Variants in LRRC7 observed in about 807,000 individuals in gnomAD.
LRRC7 encodes the protein leucine rich repeat containing 7, also known as leucine-rich repeat-containing protein 7.
In LRRC7, 23 loss-of-function variants were observed where a neutral mutation model predicts 175.7. The ratio of observed to expected loss-of-function variants is 0.13; its 90% CI spans 0.09 to 0.19. LRRC7 has a LOEUF of 0.19. LRRC7 is among the 10% of genes least tolerant of loss of function. LRRC7 has a pLI of 1.00. For synonymous variants in LRRC7, 685 were observed against 680.9 expected (o/e 1.01, Z -0.09); for missense variants, 1,354 against 1,904.7 (o/e 0.71, Z 5.38).
intron 4 of LRRC7, among the ~76,000 whole-genome samples, chr1:69,795,058 A>C (rs1031426168): frequency 6.6e-6 from 1 of 152,226 alleles, no homozygotes; most frequent in African/African-American, 2.4e-5. Flanking sequence ...AGATTTCATC[A>C]CATCAGCCAT....
At chr1:69,602,249 A>AT (rs750534042) in intron 1 of LRRC7, among the ~76,000 whole-genome samples, 8 of 151,828 alleles carry the variant, frequency 5.3e-5, no homozygotes, top group Non-Finnish European at 8.8e-5. Flanking sequence ...CATACATTTC[A>AT]TTTTTTTTAC....
At position 70,134,758 on chromosome 1, in the gene LRRC7, T is replaced by A. The variant is rs1331054196; in HGVS notation, c.*12871T>A. Among the ~76,000 whole-genome samples, 3 of 152,216 alleles carry A rather than the reference T, an allele frequency of 2.0e-5. No homozygotes were observed. Among genetic ancestry groups the A allele is most frequent in the Non-Finnish European group, 4.4e-5 (3 of 68,030 alleles). On this transcript the variant is annotated 3_prime_UTR_variant, in exon 27 of 27. Coordinates refer to ENST00000651989, the MANE Select transcript of LRRC7 (RefSeq NM_001370785.2). ...TCTTTCTGACCTCAAGCCTGCCAAT[T>A]TTAGTGCACCATTTTGGGTTTGTTT...
At chr1:70,043,810 T>C (rs1055154742) in intron 21 of LRRC7, 144 bp from the exon 22 acceptor site, 1 of 863,898 alleles carries the variant, frequency 1.2e-6, no homozygotes, top group African/African-American at 1.7e-5. Flanking sequence ...TGTATGCTTC[T>C]GTCTGATCAA....
chr1:69,968,249 A>G lies in LRRC7; in HGVS notation c.712-12130A>G, dbSNP rs552495146. On this transcript the variant is annotated intron_variant, in intron 8 of 26. Coordinates refer to ENST00000651989, the MANE Select transcript of LRRC7 (RefSeq NM_001370785.2). ...GTTTTCCAGTTAACACAATCCAACAAAGACAAAGAAAAAAGAATAAGGAAA... is the reference window on the plus strand; with the variant it reads ...GTTTTCCAGTTAACACAATCCAACAGAGACAAAGAAAAAAGAATAAGGAAA... Among the ~76,000 whole-genome samples the G allele has an allele frequency of 1.1e-3, 160 of 152,246 alleles. 1 individual carries two copies. Among genetic ancestry groups the G allele is most frequent in the African/African-American group, 3.6e-3 (148 of 41,560 alleles).
intron 2 of LRRC7, among the ~76,000 whole-genome samples, chr1:69,716,834 A>G (rs1665407906): frequency 6.6e-6 from 1 of 151,886 alleles, no homozygotes. Flanking sequence ...TGGAAAGAGT[A>G]AATAAGATTA....
intron 7 of LRRC7, among the ~76,000 whole-genome samples, chr1:69,866,135 A>G (rs933622725): frequency 6.6e-6 from 1 of 152,212 alleles, no homozygotes; most frequent in African/African-American, 2.4e-5. Context: ...GGAAAGGAAG[A>G]GCCCAGGAGG....
intron 11 of LRRC7, among the ~76,000 whole-genome samples, chr1:69,996,909 C>A (rs555211637): frequency 3.9e-4 from 59 of 151,934 alleles, no homozygotes; most frequent in Middle Eastern, 3.4e-3. Flanking sequence ...TATGAACTTT[C>A]AAGTAGTTTT....
intron 17 of LRRC7, 112 bp from the exon 18 acceptor site, chr1:70,028,059 C>A: frequency 2.2e-6 from 2 of 926,440 alleles, no homozygotes; most frequent in Non-Finnish European, 1.7e-6. Context: ...TCAGCCAGCT[C>A]AACACTCACT....
chr1:70,104,135 A>G (rs1344681875), intron 25 of LRRC7, among the ~76,000 whole-genome samples: 1 of 152,204 alleles, frequency 6.6e-6, no homozygotes, highest in Non-Finnish European at 1.5e-5. Flanking sequence ...ATAGCTTTTC[A>G]CCAAACAGTA....
intron 7 of LRRC7, among the ~76,000 whole-genome samples, chr1:69,928,459 C>T (rs1386518706): frequency 6.6e-6 from 1 of 152,234 alleles, no homozygotes; most frequent in Non-Finnish European, 1.5e-5. Flanking sequence ...GTGGGCTCCA[C>T]TCAGTTTGAG....
intron 2 of LRRC7, among the ~76,000 whole-genome samples, chr1:69,732,324 A>G (rs1182421367): frequency 6.6e-6 from 1 of 152,082 alleles, no homozygotes; most frequent in Non-Finnish European, 1.5e-5. Context: ...ACACAATCTA[A>G]TGAAAAATAG....
At chr1:69,667,909 T>G (rs185635428) in intron 1 of LRRC7, among the ~76,000 whole-genome samples, 43 of 152,306 alleles carry the variant, frequency 2.8e-4, no homozygotes, top group African/African-American at 9.9e-4. Flanking sequence ...GTCTTCCTTT[T>G]AGTGAAGGTA....
chr1:69,680,992 C>T (rs1302487200), intron 2 of LRRC7, among the ~76,000 whole-genome samples: 1 of 151,988 alleles, frequency 6.6e-6, no homozygotes, highest in Non-Finnish European at 1.5e-5. Context: ...TCTCTTATTT[C>T]AAACTAAACA....
At chr1:69,577,468 GAAT>G (rs1284087587) in intron 1 of LRRC7, among the ~76,000 whole-genome samples, 2 of 152,168 alleles carry the variant, frequency 1.3e-5, no homozygotes, top group African/African-American at 4.8e-5. Context: ...CCTATGTCCT[GAAT>G]GGTATTGCCT....
At chr1:69,698,149 A>G (rs1357476756) in intron 2 of LRRC7, among the ~76,000 whole-genome samples, 2 of 152,236 alleles carry the variant, frequency 1.3e-5, no homozygotes, top group African/African-American at 4.8e-5. Context: ...AGTGGCATTT[A>G]TAACTATCCG....
At position 70,038,825 on chromosome 1, in the gene LRRC7, A is replaced by C. The variant is rs758704986; in HGVS notation, c.3001A>C (p.Ile1001Leu). The C allele has an allele frequency of 7.4e-6, 12 of 1,614,008 alleles. No individual in the cohort carries two copies. The highest frequency in any genetic ancestry group is 1.0e-5 in the Non-Finnish European group (12 of 1,180,014). Residue 1001 changes from isoleucine (I) to leucine (L), a missense_variant, in exon 21 of 27, where the codon ATA becomes CTA. Physicochemically the swap from Ile to Leu is conservative, Grantham distance 5. Around this residue, in one of 4 missense-constraint regions of LRRC7, gnomAD observed 1,032 missense variants for 1,227.2 expected, o/e 0.84. Coordinates refer to ENST00000651989, the MANE Select transcript of LRRC7 (RefSeq NM_001370785.2). ...IDIGTYKVYN[I>L]PLENYASGSD... ...CATTGGTACATATAAGGTGTATAAC[A>C]TACCATTAGAAAACTATGCTTCTGG...
chr1:69,679,394 TG>T (rs1660193371), intron 2 of LRRC7, among the ~76,000 whole-genome samples: 1 of 152,104 alleles, frequency 6.6e-6, no homozygotes, highest in Non-Finnish European at 1.5e-5. Context: ...TATACTGCTC[TG>T]GGTAAAGACC....
At chr1:69,902,386 G>A (rs1269980147) in intron 7 of LRRC7, among the ~76,000 whole-genome samples, 1 of 152,060 alleles carries the variant, frequency 6.6e-6, no homozygotes, top group Non-Finnish European at 1.5e-5. Flanking sequence ...CCTGGGCAAC[G>A]TGGTAAAACC....
chr1:70,086,919 T>C (rs1351408199), intron 24 of LRRC7, among the ~76,000 whole-genome samples: 4 of 152,120 alleles, frequency 2.6e-5, no homozygotes, highest in African/African-American at 9.7e-5. Context: ...TATGGCTTCT[T>C]TGGGCCTTAG....
Sources: gnomAD v4.1 joint callset for allele counts (sites outside exome capture counted in the v4.1 genomes callset) on GRCh38, gnomAD v4.1.1 for gene constraint, gnomAD v4.1.1 regional missense constraint, MANE v1.5 for transcripts, NCBI Gene and HGNC (gene_info 2026-07-23, HGNC 2026-07-21) for gene names.